SYN3: variants seen among roughly 807,000 people sequenced by gnomAD.
SYN3 encodes synapsin III.
A neutral mutation model predicts 65.8 loss-of-function variants in SYN3; 35 were observed. The observed-to-expected ratio is 0.53, with a 90% CI of 0.41 to 0.70. SYN3 has a LOEUF of 0.70. Among genes scored for constraint, SYN3 ranks in the 30% least tolerant of loss-of-function variants. The pLI, the probability that SYN3 is intolerant of heterozygous loss-of-function variation, is 0.00. For synonymous variants in SYN3, 270 were observed against 292.9 expected (o/e 0.92, Z 0.80); for missense variants, 680 against 749.0 (o/e 0.91, Z 1.08).
chr22:32,635,743 T>G (rs919836026), intron 6 of SYN3, among the ~76,000 whole-genome samples: 3 of 152,148 alleles, frequency 2.0e-5, no homozygotes, highest in Admixed American at 1.3e-4. Context: ...GTTCTCCAAA[T>G]CAGATGGAGG....
intron 4 of SYN3, among the ~76,000 whole-genome samples, chr22:32,926,240 A>G (rs2050466092): frequency 6.6e-6 from 1 of 152,230 alleles, no homozygotes; most frequent in South Asian, 2.1e-4. Context: ...TACAAAAAAT[A>G]CCAAATATGA....
At chr22:32,631,790 G>A (rs59683873) in intron 6 of SYN3, among the ~76,000 whole-genome samples, 13,922 of 152,204 alleles carry the variant, frequency 0.091, 1,415 homozygotes, top group African/African-American at 0.25. Context: ...CAGAGAGGGT[G>A]AGTAACTTGC....
At chr22:32,669,371 C>T (rs2147054936) in intron 6 of SYN3, among the ~76,000 whole-genome samples, 1 of 152,288 alleles carries the variant, frequency 6.6e-6, no homozygotes, top group Non-Finnish European at 1.5e-5. Context: ...AAAATGGAAC[C>T]ACATGGTCTG....
At chr22:32,970,685 T>C (rs1013493639) in intron 3 of SYN3, among the ~76,000 whole-genome samples, 2 of 151,784 alleles carry the variant, frequency 1.3e-5, no homozygotes, top group Admixed American at 6.6e-5. Context: ...GCCAGAAACA[T>C]GAAATGATGA....
At chr22:32,784,409 T>G (rs572573440) in intron 6 of SYN3, among the ~76,000 whole-genome samples, 61 of 152,156 alleles carry the variant, frequency 4.0e-4, no homozygotes, top group Non-Finnish European at 6.9e-4. Context: ...GATAATCACA[T>G]GGCAAGAAAA....
intron 6 of SYN3, among the ~76,000 whole-genome samples, chr22:32,691,141 C>T (rs1212044241): frequency 6.6e-6 from 1 of 152,178 alleles, no homozygotes; most frequent in Non-Finnish European, 1.5e-5. Context: ...CCTCCCACTC[C>T]TGCAGTCTCA....
intron 9 of SYN3, 58 bp from the exon 10 acceptor site, chr22:32,533,953 A>G: frequency 8.3e-7 from 1 of 1,208,464 alleles, no homozygotes; most frequent in Non-Finnish European, 1.2e-6. Context: ...AAGCGGGTAG[A>G]GGGAGAGAAG....
chr22:32,987,930 G>A (rs945317247), intron 2 of SYN3, among the ~76,000 whole-genome samples: 1 of 152,178 alleles, frequency 6.6e-6, no homozygotes, highest in African/African-American at 2.4e-5. Flanking sequence ...TGAGTACTAC[G>A]AATAAAATGC....
intron 6 of SYN3, among the ~76,000 whole-genome samples, chr22:32,716,827 C>CT (rs1351419622): frequency 2.0e-5 from 3 of 151,980 alleles, no homozygotes; most frequent in South Asian, 4.2e-4. Flanking sequence ...CCTCTCTGAC[C>CT]TTTTTTTTAA....
At chr22:32,515,897 C>T (rs1374474615) in intron 13 of SYN3, among the ~76,000 whole-genome samples, 1 of 151,968 alleles carries the variant, frequency 6.6e-6, no homozygotes, top group East Asian at 1.9e-4. Flanking sequence ...CTCCTGGGTT[C>T]ACGCCATTCT....
intron 6 of SYN3, among the ~76,000 whole-genome samples, chr22:32,840,099 G>A (rs768046093): frequency 6.6e-6 from 1 of 152,128 alleles, no homozygotes; most frequent in Non-Finnish European, 1.5e-5. Flanking sequence ...TCTGGGCAGG[G>A]AGGTTTTCAT....
At chr22:32,527,091 G>C (rs1000175918) in intron 12 of SYN3, among the ~76,000 whole-genome samples, 2 of 152,192 alleles carry the variant, frequency 1.3e-5, no homozygotes. Context: ...ATAAGTGGTG[G>C]AATGTAGTAA....
intron 1 of SYN3, among the ~76,000 whole-genome samples, chr22:33,029,493 T>A (rs2053711860): frequency 6.6e-6 from 1 of 152,058 alleles, no homozygotes; most frequent in African/African-American, 2.4e-5. Context: ...CTAAAAATGA[T>A]AAATAACTTA....
chr22:32,802,061 C>T, intron 6 of SYN3: 2 of 1,576,498 alleles, frequency 1.3e-6, no homozygotes, highest in Middle Eastern at 1.7e-4. Context: ...GGGACTGGGG[C>T]GCCGAGGCGT....
chr22:32,764,687 C>T (rs1222414389), intron 6 of SYN3, among the ~76,000 whole-genome samples: 1 of 152,130 alleles, frequency 6.6e-6, no homozygotes, highest in Non-Finnish European at 1.5e-5. Flanking sequence ...ACTCTTGGTG[C>T]CTCCCCACTA....
At chr22:32,813,841 A>G (rs1173358810) in intron 6 of SYN3, among the ~76,000 whole-genome samples, 3 of 152,138 alleles carry the variant, frequency 2.0e-5, no homozygotes, top group Non-Finnish European at 1.5e-5. Flanking sequence ...AGTATGCAAT[A>G]ATAGTACTCT....
intron 4 of SYN3, among the ~76,000 whole-genome samples, chr22:32,870,973 G>A (rs1159434705): frequency 1.3e-5 from 2 of 152,094 alleles, no homozygotes; most frequent in Non-Finnish European, 2.9e-5. Flanking sequence ...CTTTTTAATG[G>A]ATGTGCATCT....
rs368834032 is a variant in SYN3, at chr22:32,780,850, C to T, written c.711+84065G>A. The stretch of plus-strand genomic sequence containing the variant: ...AGGTAAGGCACTTAGCAGTACCCAG[C>T]GTAATAAGCACTTAATGAGAGCAAC... On this transcript the variant is annotated intron_variant, in intron 6 of 13. Coordinates refer to ENST00000358763, the MANE Select transcript of SYN3 (RefSeq NM_003490.4). 5.2e-4 allele frequency among the ~76,000 whole-genome samples: 79 copies of T among 152,100 alleles called. 2 individuals carry two copies. The East Asian group carries it at 7.8e-3, about 15-fold the overall frequency.
chr22:32,621,191 C>T (rs1375445203), intron 6 of SYN3, among the ~76,000 whole-genome samples: 2 of 152,116 alleles, frequency 1.3e-5, no homozygotes, highest in African/African-American at 2.4e-5. Context: ...GGAAGTCTCC[C>T]TTTGCTGGGC....
Sources: gnomAD v4.1 joint callset for allele counts (sites outside exome capture counted in the v4.1 genomes callset) on GRCh38, gnomAD v4.1.1 for gene constraint, MANE v1.5 for transcripts, NCBI Gene and HGNC (gene_info 2026-07-23, HGNC 2026-07-21) for gene names.